Variants in BAG4 observed in about 807,000 individuals in gnomAD.
BAG4 encodes BAG cochaperone 4, also known as BAG family molecular chaperone regulator 4.
A neutral mutation model predicts 52.1 loss-of-function variants in BAG4; 28 were observed. That is an observed-to-expected ratio of 0.54 (90% CI 0.40 to 0.74). The LOEUF (loss-of-function observed/expected upper bound fraction) is 0.74, where lower values mean the gene tolerates loss of function less well. BAG4 is among the 30% of genes least tolerant of loss of function. BAG4 has a pLI of 0.00. For synonymous variants in BAG4, 208 were observed against 217.0 expected, an observed-to-expected ratio of 0.96 and a Z score of 0.37; for missense variants, 525 against 572.0, an observed-to-expected ratio of 0.92 and a Z score of 0.84.
intron 1 of BAG4, among the ~76,000 whole-genome samples, chr8:38,192,354 G>C (rs1012017236): frequency 6.6e-6 from 1 of 152,112 alleles, no homozygotes; most frequent in Non-Finnish European, 1.5e-5. Flanking sequence ...CTTTTTACTA[G>C]GTAATAATTG....
chr8:38,207,591 G>A lies in BAG4; in HGVS notation c.458G>A (p.Gly153Glu), dbSNP rs762772921. The stretch of plus-strand genomic sequence containing the variant: ...GGGGCAAATACTGCCTCATACTCAG[G>A]GGCTTATTATGCACCTGGTTATACT... ...GPGANTASYS[G>E]AYYAPGYTQT... is the part of the protein sequence containing the mutation. The change falls in exon 3 of 5, where the codon GGG becomes GAG. Residue 153 changes from glycine to glutamate, a missense_variant. Physicochemically the swap from Gly to Glu is moderately conservative, Grantham distance 98. Coordinates refer to ENST00000287322, the MANE Select transcript of BAG4 (RefSeq NM_004874.4). 6.2e-7 allele frequency: 1 copy of A among 1,613,838 alleles called. No individual in the cohort carries two copies. Among genetic ancestry groups the A allele is most frequent in the Middle Eastern group, 1.7e-4 (1 of 6,058 alleles).
At chr8:38,177,275 A>C in intron 1 of BAG4, 136 bp downstream of exon 1, 1 of 1,209,986 alleles carries the variant, frequency 8.3e-7, no homozygotes, top group Non-Finnish European at 1.1e-6. Context: ...GACCGAGACT[A>C]AGATCAGAGG....
At chr8:38,177,354 A>G (rs1030268215) in intron 1 of BAG4, among the ~76,000 whole-genome samples, 1 of 152,166 alleles carries the variant, frequency 6.6e-6, no homozygotes. Context: ...TATGTTTATT[A>G]CCATTTAAAA....
At chr8:38,184,843 C>T (rs945771495) in intron 1 of BAG4, among the ~76,000 whole-genome samples, 6 of 152,258 alleles carry the variant, frequency 3.9e-5, no homozygotes, top group South Asian at 4.1e-4. Context: ...ATAATCCCAG[C>T]GCTTTGGGAG....
rs1563286016 is a variant in BAG4 at position 38,209,000 on chromosome 8, C to T, written c.634-13C>T. The stretch of plus-strand genomic sequence containing the variant: ...TTTCACAATGACTGGTATATTTCTT[C>T]TTCTCAATCTAGAACCCTGGAATGA... On this transcript the variant is annotated splice_polypyrimidine_tract_variant and intron_variant, in intron 3 of 4. Coordinates refer to ENST00000287322, the MANE Select transcript of BAG4 (RefSeq NM_004874.4). 3 of 1,601,942 alleles carry T rather than the reference C, an allele frequency of 1.9e-6. No homozygotes were observed. The highest frequency in any genetic ancestry group is 2.6e-6 in the Non-Finnish European group (3 of 1,173,172).
intron 1 of BAG4, among the ~76,000 whole-genome samples, chr8:38,190,829 C>T (rs1803461526): frequency 6.7e-6 from 1 of 149,858 alleles, no homozygotes; most frequent in South Asian, 2.1e-4. Context: ...ATGATCTCTG[C>T]TCACTGCAAC....
chr8:38,210,123 T>C lies in BAG4; in HGVS notation c.1004T>C (p.Leu335Ser), dbSNP rs199793591. The change falls in exon 5 of 5, where the codon TTG becomes TCG. Residue 335 changes from leucine (L) to serine (S), a missense_variant. Transcript: ENST00000287322. ...GTGAACAATGATGATTCAGATCTTTTGGATTCCCAAGTCCAGTATAGTGCT... is the reference window on the plus strand; with the variant it reads ...GTGAACAATGATGATTCAGATCTTTCGGATTCCCAAGTCCAGTATAGTGCT... ...GTVNNDDSDL[L>S]DSQVQYSAEP... 17 of 1,614,208 alleles carry C rather than the reference T, an allele frequency of 1.1e-5. No homozygotes were observed. The East Asian group carries it at 3.3e-4, about 32-fold the overall frequency.
chr8:38,185,060 G>A (rs1433321487), intron 1 of BAG4, among the ~76,000 whole-genome samples: 1 of 149,286 alleles, frequency 6.7e-6, no homozygotes, highest in African/African-American at 2.5e-5. Context: ...CTGCATTCCA[G>A]CCAGGGCAAC....
Position 38,210,097 on chromosome 8 carries a change from A to T in BAG4, c.978A>T (p.Thr326=), listed in dbSNP as rs777485213. The change falls in exon 5 of 5, where the codon ACA becomes ACT. Residue 326 remains threonine, a synonymous_variant. Transcript: ENST00000287322. ...CSVHQYESSG[T]VNNDDSDLLD... ...TCCATCAGTACGAATCCTCGGGGAC[A>T]GTGAACAATGATGATTCAGATCTTT... is the stretch of plus-strand genomic sequence containing the variant. 3 of 1,614,232 alleles carry T rather than the reference A, an allele frequency of 1.9e-6. No homozygotes were observed. Among genetic ancestry groups the T allele is most frequent in the Non-Finnish European group, 2.5e-6 (3 of 1,180,052 alleles).
At chr8:38,190,589 G>A (rs1401447842) in intron 1 of BAG4, among the ~76,000 whole-genome samples, 3 of 146,704 alleles carry the variant, frequency 2.0e-5, no homozygotes, top group Non-Finnish European at 4.5e-5. Flanking sequence ...CCATCATCAC[G>A]CCCACCTGAC....
At chr8:38,188,036 CAA>C (rs1157770485) in intron 1 of BAG4, among the ~76,000 whole-genome samples, 2 of 37,138 alleles carry the variant, frequency 5.4e-5, no homozygotes, top group African/African-American at 1.1e-4. Flanking sequence ...GACTCCGTCT[CAA>C]AAAAAAAAAA....
intron 2 of BAG4, among the ~76,000 whole-genome samples, chr8:38,196,049 C>T (rs897052535): frequency 1.3e-5 from 2 of 152,196 alleles, no homozygotes; most frequent in Admixed American, 1.3e-4. Context: ...TGTTTTCAAA[C>T]TTCTCCATGT....
chr8:38,199,918 C>T (rs1432734073), intron 2 of BAG4, among the ~76,000 whole-genome samples: 1 of 151,960 alleles, frequency 6.6e-6, no homozygotes, highest in African/African-American at 2.4e-5. Flanking sequence ...CAAAGTAAGG[C>T]CCAAGTTCAC....
chr8:38,209,877 G>A (rs1803837828), intron 4 of BAG4, 131 bp from the exon 5 acceptor site: 1 of 1,276,700 alleles, frequency 7.8e-7, no homozygotes. Flanking sequence ...AAGGAGAGGG[G>A]TCCAATTTTA....
At chr8:38,194,127 C>G (rs1300194832) in intron 2 of BAG4, among the ~76,000 whole-genome samples, 1 of 152,106 alleles carries the variant, frequency 6.6e-6, no homozygotes, top group Non-Finnish European at 1.5e-5. Flanking sequence ...CCACCTTGGC[C>G]TCCCAAAGTG....
At chr8:38,193,646 C>T (rs756054301) in intron 2 of BAG4, among the ~76,000 whole-genome samples, 2 of 150,816 alleles carry the variant, frequency 1.3e-5, no homozygotes, top group Non-Finnish European at 3.0e-5. Flanking sequence ...GCTCACTGCA[C>T]CCTCCTCCTC....
intron 1 of BAG4, among the ~76,000 whole-genome samples, chr8:38,179,808 C>T (rs932603329): frequency 6.6e-6 from 1 of 151,966 alleles, no homozygotes; most frequent in African/African-American, 2.4e-5. Context: ...TTTTCTCAGC[C>T]TAAATCTGGA....
intron 1 of BAG4, among the ~76,000 whole-genome samples, chr8:38,181,101 C>A (rs921942648): frequency 6.6e-6 from 1 of 151,838 alleles, no homozygotes; most frequent in Non-Finnish European, 1.5e-5. Flanking sequence ...CCACCACGCC[C>A]GGCCAATTTT....
chr8:38,185,181 C>G (rs1803344826), intron 1 of BAG4, among the ~76,000 whole-genome samples: 1 of 151,854 alleles, frequency 6.6e-6, no homozygotes, highest in Non-Finnish European at 1.5e-5. Context: ...AGTTGGGTGC[C>G]TGGCATATAT....
Sources: gnomAD v4.1 joint callset for allele counts (sites outside exome capture counted in the v4.1 genomes callset) on GRCh38, gnomAD v4.1.1 for gene constraint, MANE v1.5 for transcripts, NCBI Gene and HGNC (gene_info 2026-07-23, HGNC 2026-07-21) for gene names.